The following CROT variants were observed in gnomAD, a reference collection of about 807,000 sequenced individuals.
CROT encodes carnitine O-octanoyltransferase, also known as peroxisomal carnitine O-octanoyltransferase.
A neutral mutation model predicts 89.2 loss-of-function variants in CROT; 84 were observed. The observed-to-expected ratio is 0.94, with a 90% CI of 0.79 to 1.13. The LOEUF (loss-of-function observed/expected upper bound fraction) is 1.13. Ranked by LOEUF, CROT falls within the 50% of genes most tolerant of loss-of-function variation. The pLI is 0.00. For missense variants in CROT, 711 were observed against 727.8 expected, an observed-to-expected ratio of 0.98 and a Z score of 0.27; for synonymous variants, 212 against 239.5, an observed-to-expected ratio of 0.89 and a Z score of 1.06.
chr7:87,396,796 T>C (rs1349947611), intron 17 of CROT, among the ~76,000 whole-genome samples: 3 of 152,162 alleles, frequency 2.0e-5, no homozygotes, highest in South Asian at 2.1e-4. Context: ...CAACCTATAA[T>C]GTATGTAGAC....
At chr7:87,377,328 G>A (rs1806839774) in intron 9 of CROT, 21 bp from the exon 10 acceptor site, 13 of 1,491,728 alleles carry the variant, frequency 8.7e-6, no homozygotes, top group Non-Finnish European at 1.1e-5. Flanking sequence ...TTTTAATTTG[G>A]AAAAATTAAA....
intron 3 of CROT, chr7:87,357,465 A>G (rs1485164114): frequency 6.4e-7 from 1 of 1,551,546 alleles, no homozygotes; most frequent in African/African-American, 1.4e-5. Flanking sequence ...GTGCAGGCTG[A>G]ATCTCCTCAG....
At position 87,391,514 on chromosome 7, in the gene CROT, A is replaced by G. The variant is rs138013780; in HGVS notation, c.1302-75A>G. 12 of 1,401,386 alleles carry G rather than the reference A, an allele frequency of 8.6e-6. No individual in the cohort carries two copies. The East Asian group carries it at 3.0e-4, about 35-fold the overall frequency. The allele number at this position is 1,401,386 out of a possible 1,614,324, so 86.8% of individuals were successfully genotyped here. A position where few individuals can be genotyped will look rare whatever the true frequency, so the allele number is the denominator to read the frequency against. ...TTAGTCTCTGAACAAAGCTAGCTTT[A>G]TTAGGCAACTATATCTGTAATGATA... On this transcript the variant is annotated intron_variant, in intron 13 of 17. Coordinates refer to ENST00000331536, the MANE Select transcript of CROT (RefSeq NM_021151.4).
In CROT at chr7:87,375,646, T is replaced by G; in HGVS notation, c.671T>G (p.Ile224Ser). 1 of 1,612,876 alleles carries G rather than the reference T, an allele frequency of 6.2e-7. No homozygotes were observed. Among genetic ancestry groups the G allele is most frequent in the Non-Finnish European group, 8.5e-7 (1 of 1,178,990 alleles). Residue 224 changes from isoleucine (I) to serine (S), a missense_variant, in exon 8 of 18, where the codon ATC (isoleucine) becomes AGC (serine). Physicochemically the swap from Ile to Ser is moderately radical, Grantham distance 142 (BLOSUM62 -2). Transcript: ENST00000331536. ...TCTTCCATAAGACAACTGACATATA[T>G]CCACAAGAAGTGCCATAGTGAACCT... The part of the protein sequence containing the change: ...PPELLRQLTY[I>S]HKKCHSEPDG...
intron 3 of CROT, among the ~76,000 whole-genome samples, chr7:87,353,366 C>T (rs1805940123): frequency 6.6e-6 from 1 of 152,076 alleles, no homozygotes; most frequent in African/African-American, 2.4e-5. Flanking sequence ...CCAGGCTAGT[C>T]TCAAACTCCT....
chr7:87,376,969 C>T (rs1019098719), intron 9 of CROT, among the ~76,000 whole-genome samples: 3 of 151,988 alleles, frequency 2.0e-5, no homozygotes, highest in Admixed American at 6.6e-5. Context: ...TAGTAGGAAA[C>T]GAATTCTTAA....
intron 3 of CROT, among the ~76,000 whole-genome samples, chr7:87,351,308 CAAAAAAAA>C (rs11295263): frequency 3.0e-5 from 2 of 67,528 alleles, no homozygotes; most frequent in Admixed American, 2.0e-4. Context: ...GACTCCATCT[CAAAAAAAA>C]AAAAAAAAAA....
At chr7:87,397,545 G>T (rs925882038) in intron 17 of CROT, among the ~76,000 whole-genome samples, 3 of 152,122 alleles carry the variant, frequency 2.0e-5, no homozygotes, top group Non-Finnish European at 4.4e-5. Flanking sequence ...AATAAGAATG[G>T]TTAATCTGTG....
intron 14 of CROT, 122 bp from the exon 15 acceptor site, chr7:87,392,444 A>T: frequency 1.4e-6 from 1 of 732,704 alleles, no homozygotes; most frequent in South Asian, 1.7e-5. Context: ...TGTGTTATAG[A>T]TCTTCCTAGA....
chr7:87,398,674 A>G lies in CROT; in HGVS notation c.*30A>G. 1 of 1,604,344 alleles carries G rather than the reference A, an allele frequency of 6.2e-7. No homozygotes were observed. Among genetic ancestry groups the G allele is most frequent in the Non-Finnish European group, 8.5e-7 (1 of 1,175,520 alleles). ...GAATCATCTATTAAGCACTTACCAA[A>G]ACATATCATTAAACTGAGTGCTGGG... is the stretch of plus-strand genomic sequence containing the variant. On this transcript the variant is annotated 3_prime_UTR_variant, in exon 18 of 18. Coordinates refer to ENST00000331536, the MANE Select transcript of CROT (RefSeq NM_021151.4).
At chr7:87,380,833 AT>A (rs1468037750) in intron 10 of CROT, among the ~76,000 whole-genome samples, 4 of 152,178 alleles carry the variant, frequency 2.6e-5, no homozygotes, top group Admixed American at 2.6e-4. Context: ...ATATCTGAAA[AT>A]TCTTTGTAAA....
At chr7:87,351,557 G>A (rs1562926456) in intron 3 of CROT, among the ~76,000 whole-genome samples, 1 of 151,262 alleles carries the variant, frequency 6.6e-6, no homozygotes, top group Non-Finnish European at 1.5e-5. Flanking sequence ...ATTAAAACTA[G>A]TAATTTCATT....
intron 3 of CROT, among the ~76,000 whole-genome samples, chr7:87,358,446 C>A (rs190602787): frequency 0.014 from 1,795 of 130,600 alleles, 41 homozygotes; most frequent in African/African-American, 0.049. Flanking sequence ...TACGCCACTG[C>A]ACTCCAGCCT....
At chr7:87,397,358 A>AG (rs1807567827) in intron 17 of CROT, among the ~76,000 whole-genome samples, 1 of 151,814 alleles carries the variant, frequency 6.6e-6, no homozygotes. Flanking sequence ...CTCAAAAAAA[A>AG]AAAAAGTATT....
At chr7:87,387,759 C>T (rs1281170354) in intron 13 of CROT, among the ~76,000 whole-genome samples, 1 of 152,094 alleles carries the variant, frequency 6.6e-6, no homozygotes, top group Non-Finnish European at 1.5e-5. Flanking sequence ...CGAGACTAGC[C>T]TGGCCAACAT....
chr7:87,368,438 AAAG>A (rs1188118150), intron 6 of CROT, among the ~76,000 whole-genome samples: 2 of 152,194 alleles, frequency 1.3e-5, no homozygotes, highest in African/African-American at 2.4e-5. Context: ...GAAGGGGAAG[AAAG>A]AAGAAATGGT....
rs1584658329 is a variant in CROT, at chr7:87,399,112, G to A, written c.*468G>A. ...TTTCCCTGAAATCAATGCCTTCTAT[G>A]TTCACCACAGGGATACAAGCCTGTT... On this transcript the variant is annotated 3_prime_UTR_variant, in exon 18 of 18. Transcript: ENST00000331536. The A allele has an allele frequency of 1.2e-5, 2 of 161,702 alleles. No homozygotes were observed. Among genetic ancestry groups the A allele is most frequent in the East Asian group, 1.9e-4 (1 of 5,340 alleles). The allele number at this position is 161,702 out of a possible 1,614,324, so 10.0% of individuals were successfully genotyped here. A position where few individuals can be genotyped will look rare whatever the true frequency, so the allele number is the denominator to read the frequency against.
intron 17 of CROT, 174 bp from the exon 18 acceptor site, chr7:87,398,350 G>A: frequency 1.3e-6 from 1 of 773,258 alleles, no homozygotes; most frequent in South Asian, 1.4e-5. Flanking sequence ...GTGTTTCTTA[G>A]CATTATCTAC....
At chr7:87,385,255 A>G (rs1025196508) in intron 13 of CROT, among the ~76,000 whole-genome samples, 1 of 151,908 alleles carries the variant, frequency 6.6e-6, no homozygotes, top group African/African-American at 2.4e-5. Context: ...TTTGATAGGA[A>G]TTGCATTGAA....
Sources: allele counts gnomAD v4.1 joint callset (sites outside exome capture counted in the v4.1 genomes callset), GRCh38; gene constraint gnomAD v4.1.1; transcripts MANE v1.5; gene names NCBI Gene and HGNC (gene_info 2026-07-23, HGNC 2026-07-21).